The following PTPRK variants were observed in gnomAD, a reference collection of about 807,000 sequenced individuals.
The protein encoded by PTPRK is receptor-type tyrosine-protein phosphatase kappa.
PTPRK carries 75 observed loss-of-function variants against 178.0 expected under a neutral mutation model. That is an observed-to-expected ratio of 0.42 (90% CI 0.35 to 0.51). The LOEUF is 0.51. PTPRK is among the 20% of genes least tolerant of loss of function. The pLI is 0.02. For missense variants in PTPRK, 1,441 were observed against 1,797.8 expected, an observed-to-expected ratio of 0.80 and a Z score of 3.59; for synonymous variants, 637 against 620.6, an observed-to-expected ratio of 1.03 and a Z score of -0.39.
intron 1 of PTPRK, among the ~76,000 whole-genome samples, chr6:128,504,186 C>A (rs1164366864): frequency 6.6e-6 from 1 of 152,150 alleles, no homozygotes; most frequent in Non-Finnish European, 1.5e-5. Context: ...AAAAGGACCC[C>A]TCTTATTCTT....
At chr6:128,414,806 A>C (rs1842666581) in intron 1 of PTPRK, among the ~76,000 whole-genome samples, 1 of 152,076 alleles carries the variant, frequency 6.6e-6, no homozygotes, top group Admixed American at 6.6e-5. Flanking sequence ...CAAGTGTTTA[A>C]GTTTTATATT....
chr6:128,030,954 A>G (rs1368670632), intron 13 of PTPRK, among the ~76,000 whole-genome samples: 1 of 152,224 alleles, frequency 6.6e-6, no homozygotes, highest in East Asian at 1.9e-4. Context: ...GACACTTACT[A>G]GGTTCAAAAA....
At chr6:128,352,845 A>C (rs1205226700) in intron 2 of PTPRK, among the ~76,000 whole-genome samples, 1 of 152,214 alleles carries the variant, frequency 6.6e-6, no homozygotes, top group Non-Finnish European at 1.5e-5. Context: ...TGCTAGTTGA[A>C]ACTGTGCAAA....
chr6:128,351,962 T>C lies in PTPRK; in HGVS notation c.224-29652A>G, dbSNP rs1833204382. On this transcript the variant is annotated intron_variant, in intron 2 of 29. Coordinates refer to ENST00000368226, the MANE Select transcript of PTPRK (RefSeq NM_002844.4). Reference sequence around the variant, plus strand: ...CTGATTAGTATATAATCATTTGAAATATTCCATTAGTAGGCCTGGCGTGGT... The same window carrying C: ...CTGATTAGTATATAATCATTTGAAACATTCCATTAGTAGGCCTGGCGTGGT... 4.6e-5 allele frequency among the ~76,000 whole-genome samples: 7 copies of C among 151,982 alleles called. No homozygotes were observed. The South Asian group carries it at 1.2e-3, about 27-fold the overall frequency.
chr6:128,322,135 A>G lies in PTPRK; in HGVS notation c.399T>C (p.Pro133=), dbSNP rs1828882846. The change falls in exon 3 of 30, where the codon CCT becomes CCC. Residue 133 remains proline, a synonymous_variant. Coordinates refer to ENST00000368226, the MANE Select transcript of PTPRK (RefSeq NM_002844.4). ...LNILVRVNKG[P]LANPIWNVTG... ...TCACATTCCAAATTGGATTGGCAAGAGGTCCTTTATTCACCCTAACTAATA... is the reference window on the plus strand; with the variant it reads ...TCACATTCCAAATTGGATTGGCAAGGGGTCCTTTATTCACCCTAACTAATA... The G allele has an allele frequency of 1.2e-6, 2 of 1,613,930 alleles. No homozygotes were observed. Among genetic ancestry groups the G allele is most frequent in the African/African-American group, 1.3e-5 (1 of 75,008 alleles).
chr6:128,385,275 T>C (rs1037536672), intron 2 of PTPRK, among the ~76,000 whole-genome samples: 1 of 152,028 alleles, frequency 6.6e-6, no homozygotes, highest in Non-Finnish European at 1.5e-5. Flanking sequence ...CTTTGTGATT[T>C]CCTATAGGTC....
chr6:127,996,075 T>A (rs1193612178), intron 17 of PTPRK, among the ~76,000 whole-genome samples: 1 of 152,106 alleles, frequency 6.6e-6, no homozygotes, highest in East Asian at 1.9e-4. Flanking sequence ...AACTATCTGC[T>A]ACTTTCTTTA....
At chr6:128,424,095 T>C (rs1053962124) in intron 1 of PTPRK, among the ~76,000 whole-genome samples, 2 of 148,760 alleles carry the variant, frequency 1.3e-5, no homozygotes, top group Admixed American at 1.3e-4. Flanking sequence ...TAGCCAGGCA[T>C]GCTGGCAGGT....
chr6:128,182,576 CT>C (rs1478311106), intron 7 of PTPRK, among the ~76,000 whole-genome samples: 1 of 152,092 alleles, frequency 6.6e-6, no homozygotes, highest in African/African-American at 2.4e-5. Flanking sequence ...AAAAAAGCAG[CT>C]ATGAGTGTAA....
chr6:128,277,503 T>C (rs181809865), intron 3 of PTPRK, among the ~76,000 whole-genome samples: 18 of 152,280 alleles, frequency 1.2e-4, no homozygotes, highest in African/African-American at 3.8e-4. Flanking sequence ...GTTACTCTAA[T>C]GCAATATGTG....
intron 1 of PTPRK, among the ~76,000 whole-genome samples, chr6:128,472,944 A>T (rs894755266): frequency 1.3e-5 from 2 of 152,138 alleles, no homozygotes; most frequent in Non-Finnish European, 2.9e-5. Flanking sequence ...ATGAGACAAC[A>T]GTATTGCCTG....
rs1045002475 is a variant in PTPRK, at chr6:128,090,089, A to C, written c.1163-97T>G. ...AGTATAATATAGCATATGCAAATCT[A>C]GAAAATGTGGAAGTCATGTTTTATT... On this transcript the variant is annotated intron_variant, in intron 7 of 29. Coordinates refer to ENST00000368226, the MANE Select transcript of PTPRK (RefSeq NM_002844.4). 1.2e-5 allele frequency: 12 copies of C among 971,632 alleles called. No homozygotes were observed. The African/African-American group carries it at 1.8e-4, about 15-fold the overall frequency. The allele number at this position is 971,632 out of a possible 1,614,324, so 60.2% of individuals were successfully genotyped here.
intron 3 of PTPRK, among the ~76,000 whole-genome samples, chr6:128,258,884 G>C (rs1045731492): frequency 8.5e-5 from 13 of 152,212 alleles, no homozygotes; most frequent in African/African-American, 3.1e-4. Context: ...GAGGGAGGCA[G>C]AGAGCAGAAG....
At chr6:128,040,436 G>A (rs1247911860) in intron 13 of PTPRK, among the ~76,000 whole-genome samples, 1 of 152,006 alleles carries the variant, frequency 6.6e-6, no homozygotes, top group Non-Finnish European at 1.5e-5. Flanking sequence ...GCAGCAAATA[G>A]ATCAAGAAAG....
chr6:128,248,276 C>T (rs1178737367), intron 3 of PTPRK, among the ~76,000 whole-genome samples: 1 of 152,142 alleles, frequency 6.6e-6, no homozygotes, highest in African/African-American at 2.4e-5. Flanking sequence ...CTATATACAT[C>T]TGTGTGTATA....
intron 1 of PTPRK, among the ~76,000 whole-genome samples, chr6:128,457,113 G>A (rs927577911): frequency 6.6e-6 from 1 of 151,756 alleles, no homozygotes; most frequent in African/African-American, 2.4e-5. Flanking sequence ...CTGACAAGGG[G>A]GAAAATCTGC....
chr6:128,142,222 GA>G (rs1795872106), intron 7 of PTPRK, among the ~76,000 whole-genome samples: 1 of 151,932 alleles, frequency 6.6e-6, no homozygotes, highest in Non-Finnish European at 1.5e-5. Flanking sequence ...TCAGAGAGCA[GA>G]AGCCTTTCAG....
At chr6:128,122,265 A>T (rs73586607) in intron 7 of PTPRK, among the ~76,000 whole-genome samples, 12,477 of 152,140 alleles carry the variant, frequency 0.082, 799 homozygotes, top group African/African-American at 0.17. Flanking sequence ...AGGGGTGGGG[A>T]GGAGTTTGGG....
At chr6:128,249,837 G>GA (rs374139952) in intron 3 of PTPRK, among the ~76,000 whole-genome samples, 50 of 151,210 alleles carry the variant, frequency 3.3e-4, no homozygotes, top group Non-Finnish European at 6.4e-4. Flanking sequence ...GTGGTTGAAA[G>GA]AAAAAAAAAC....
Sources: gnomAD v4.1 joint callset for allele counts (sites outside exome capture counted in the v4.1 genomes callset) on GRCh38, gnomAD v4.1.1 for gene constraint, MANE v1.5 for transcripts, NCBI Gene and HGNC (gene_info 2026-07-23, HGNC 2026-07-21) for gene names.